Variants in DNAH17 observed in about 807,000 individuals in gnomAD.
The protein encoded by DNAH17 is axonemal beta dynein heavy chain 17.
A neutral mutation model predicts 485.6 loss-of-function variants in DNAH17; 376 were observed. The ratio of observed to expected loss-of-function variants is 0.77; its 90% CI spans 0.71 to 0.84. The LOEUF (loss-of-function observed/expected upper bound fraction) is 0.84. Ranked by LOEUF, DNAH17 falls within the 40% of genes least tolerant of loss-of-function variation. The pLI, the probability that DNAH17 is intolerant of heterozygous loss-of-function variation, is 0.00. For synonymous variants in DNAH17, 3,031 were observed against 2,405.9 expected (o/e 1.26, Z -7.60); for missense variants, 6,370 against 5,839.3 (o/e 1.09, Z -2.96).
chr17:78,530,384 G>C lies in DNAH17; in HGVS notation c.3243C>G (p.Gly1081=), dbSNP rs1449885306. 1.2e-6 allele frequency: 2 copies of C among 1,612,798 alleles called. No individual in the cohort carries two copies. Among genetic ancestry groups the C allele is most frequent in the South Asian group, 2.2e-5 (2 of 91,064 alleles). ...TGCTCAGGTGCCGCTTGAACATGAA[G>C]CCCCAGCGCCGGATTGTGCTGAGCA... The part of the protein sequence containing the change: ...QALLSTIRRW[G]FMFKRHLSNH... Residue 1081 remains glycine, a synonymous_variant, in exon 21 of 81, where the codon GGC becomes GGG. Coordinates refer to ENST00000389840, the MANE Select transcript of DNAH17 (RefSeq NM_173628.4).
intron 75 of DNAH17, among the ~76,000 whole-genome samples, chr17:78,429,994 G>A (rs926749071): frequency 2.0e-5 from 3 of 152,170 alleles, no homozygotes; most frequent in African/African-American, 7.2e-5. Flanking sequence ...TCGGCAGTGT[G>A]GACCAGAGCA....
intron 21 of DNAH17, 32 bp downstream of exon 21, chr17:78,530,311 T>C (rs1568204513): frequency 1.9e-6 from 3 of 1,577,182 alleles, no homozygotes; most frequent in East Asian, 2.3e-5. Flanking sequence ...GCACATTCCT[T>C]GGGCTCCCCG....
At chr17:78,513,346 GT>G (rs2090687924) in intron 26 of DNAH17, among the ~76,000 whole-genome samples, 1 of 152,178 alleles carries the variant, frequency 6.6e-6, no homozygotes, top group Non-Finnish European at 1.5e-5. Flanking sequence ...CCCAAAATAT[GT>G]TTCTTTGACA....
chr17:78,435,223 C>G (rs1448782690), intron 74 of DNAH17, among the ~76,000 whole-genome samples: 1 of 152,170 alleles, frequency 6.6e-6, no homozygotes, highest in Non-Finnish European at 1.5e-5. Flanking sequence ...GGGAGACTCA[C>G]CAGCCCCCAA....
rs34701814 is a variant in DNAH17 at position 78,548,202 on chromosome 17, C to CTTTTTTTTTTTTTT, written c.2391+3319_2391+3332dup. Among the ~76,000 whole-genome samples, 133 of 80,120 alleles carry CTTTTTTTTTTTTTT rather than the reference C, an allele frequency of 1.7e-3. 18 individuals are homozygous for CTTTTTTTTTTTTTT. Among genetic ancestry groups the CTTTTTTTTTTTTTT allele is most frequent in the African/African-American group, 5.8e-3 (109 of 18,720 alleles). 52.6% of individuals were successfully genotyped at this position (80,120 alleles called of 152,430 possible). A position where few individuals can be genotyped will look rare whatever the true frequency, so the allele number is the denominator to read the frequency against. Reference sequence around the variant, plus strand: ...GTTGTTATTTCGTAGATGTCATGGCCTTTTTTTTTTTTTTTTTTTGGAGAC... The same window carrying CTTTTTTTTTTTTTT: ...GTTGTTATTTCGTAGATGTCATGGCCTTTTTTTTTTTTTTTTTTTTTTTTTTTTTTTTTGGAGAC... On this transcript the variant is annotated intron_variant, in intron 16 of 80. Coordinates refer to ENST00000389840, the MANE Select transcript of DNAH17 (RefSeq NM_173628.4).
intron 58 of DNAH17, among the ~76,000 whole-genome samples, chr17:78,461,333 G>A (rs2088114241): frequency 6.6e-6 from 1 of 152,202 alleles, no homozygotes; most frequent in South Asian, 2.1e-4. Flanking sequence ...GCCACGGGAT[G>A]GGAGTTTTCT....
intron 41 of DNAH17, chr17:78,492,976 A>T: frequency 2.3e-6 from 1 of 432,824 alleles, no homozygotes; most frequent in Non-Finnish European, 4.0e-6. Flanking sequence ...TTAGCTTCCC[A>T]AGTAGCTGGG....
At position 78,570,261 on chromosome 17, in the gene DNAH17, G is replaced by C; in HGVS notation, c.1030C>G (p.Gln344Glu). 1 of 1,588,714 alleles carries C rather than the reference G, an allele frequency of 6.3e-7. No individual in the cohort carries two copies. The highest frequency in any genetic ancestry group is 2.3e-5 in the East Asian group (1 of 43,938). ...IIVILQEFCN[Q>E]IIEMTRTFLS... is the part of the protein sequence containing the mutation. ...GGGAGGGTTACCATCTCGATGATTT[G>C]GTTGCAGAACTCCTGCAGGATGACG... Residue 344 changes from glutamine (Q) to glutamate (E), a missense_variant, in exon 7 of 81, where the codon CAA (glutamine) becomes GAA (glutamate). By Grantham distance (29) the Gln-to-Glu change is conservative (BLOSUM62 2). Transcript: ENST00000389840.
At chr17:78,442,773 C>T (rs952338162) in intron 71 of DNAH17, among the ~76,000 whole-genome samples, 1 of 150,992 alleles carries the variant, frequency 6.6e-6, no homozygotes, top group East Asian at 1.9e-4. Flanking sequence ...GAAATTGGCA[C>T]ATGCTGTGCG....
chr17:78,509,521 TTTG>T (rs542938188), intron 27 of DNAH17, among the ~76,000 whole-genome samples: 173 of 152,336 alleles, frequency 1.1e-3, no homozygotes, highest in African/African-American at 3.9e-3. Flanking sequence ...ATAAAGTTTT[TTTG>T]TTGTTGTTTT....
In DNAH17 at chr17:78,499,924, C is replaced by G. The variant is rs370066265; in HGVS notation, c.5640+381G>C. 14 of 182,836 alleles carry G rather than the reference C, an allele frequency of 7.7e-5. 1 individual carries two copies. In the South Asian group the frequency reaches 1.3e-3, roughly 18 times the overall value. 11.3% of individuals were successfully genotyped at this position (182,836 alleles called of 1,614,324 possible). The stretch of plus-strand genomic sequence containing the variant: ...GCTCTAATGACTGATGGGACCGGGC[C>G]AATCCCCTGCTCCCCTCCCAAACCC... On this transcript the variant is annotated intron_variant, in intron 36 of 80. Transcript: ENST00000389840.
intron 58 of DNAH17, among the ~76,000 whole-genome samples, chr17:78,460,696 C>T (rs1191769828): frequency 6.6e-6 from 1 of 152,216 alleles, no homozygotes; most frequent in Non-Finnish European, 1.5e-5. Flanking sequence ...GGAATGGGAA[C>T]TGTTCCTTCT....
chr17:78,455,920 G>T, intron 62 of DNAH17, 84 bp from the exon 63 acceptor site: 2 of 1,178,836 alleles, frequency 1.7e-6, no homozygotes, highest in Non-Finnish European at 2.3e-6. Context: ...GCACCTCTGT[G>T]AATCTTCAGA....
rs996756298 is a variant in DNAH17 at position 78,456,343 on chromosome 17, T to C, written c.9978-507A>G. ...AAAATAAAACAAACAAAAAACTCCTTGGCAGCCCTTAGGAATGCTGTGTTT... is the reference window on the plus strand; with the variant it reads ...AAAATAAAACAAACAAAAAACTCCTCGGCAGCCCTTAGGAATGCTGTGTTT... On this transcript the variant is annotated intron_variant, in intron 62 of 80. Coordinates refer to ENST00000389840, the MANE Select transcript of DNAH17 (RefSeq NM_173628.4). 3.3e-5 allele frequency among the ~76,000 whole-genome samples: 5 copies of C among 152,244 alleles called. No individual in the cohort carries two copies. In the East Asian group the frequency reaches 9.7e-4, roughly 29 times the overall value.
At chr17:78,464,595 G>C (rs1206697561) in intron 56 of DNAH17, among the ~76,000 whole-genome samples, 1 of 152,260 alleles carries the variant, frequency 6.6e-6, no homozygotes. Flanking sequence ...GAGACTGCAA[G>C]AGAATGTCGG....
chr17:78,483,763 G>A (rs2089457290), intron 48 of DNAH17, among the ~76,000 whole-genome samples: 1 of 152,122 alleles, frequency 6.6e-6, no homozygotes, highest in South Asian at 2.1e-4. Flanking sequence ...GAGCAGACTA[G>A]TTTCTAGGCT....
chr17:78,424,594 C>T (rs1383355927), intron 80 of DNAH17: 6 of 157,428 alleles, frequency 3.8e-5, no homozygotes, highest in Admixed American at 1.3e-4. Context: ...TATTTCTACT[C>T]GCCCTATTTA....
chr17:78,444,934 G>A, intron 70 of DNAH17, 137 bp from the exon 71 acceptor site: 1 of 879,372 alleles, frequency 1.1e-6, no homozygotes, highest in Non-Finnish European at 1.6e-6. Flanking sequence ...AAGCCCGAGA[G>A]GCTGGCCACC....
In DNAH17 at chr17:78,532,536, C is replaced by G. The variant is rs777754917; in HGVS notation, c.3060G>C (p.Trp1020Cys). 1 of 1,611,314 alleles carries G rather than the reference C, an allele frequency of 6.2e-7. No homozygotes were observed. The highest frequency in any genetic ancestry group is 1.7e-5 in the Admixed American group (1 of 59,696). The change falls in exon 20 of 81, where the codon TGG (tryptophan) becomes TGC (cysteine). Residue 1020 changes from tryptophan (W) to cysteine (C), a missense_variant. Transcript: ENST00000389840. ...GTGTCTTGGGGATGGTGTCATCTGT[C>G]CAGGTGTCCAAGTCCTCCGCAGTGA... Reference protein sequence around the residue: ...CAVTAEDLDTWTDDTIPKTPP... With the variant: ...CAVTAEDLDTCTDDTIPKTPP...
Sources: allele counts gnomAD v4.1 joint callset (sites outside exome capture counted in the v4.1 genomes callset), GRCh38; gene constraint gnomAD v4.1.1; transcripts MANE v1.5; gene names NCBI Gene and HGNC (gene_info 2026-07-23, HGNC 2026-07-21).